OPCML: variants seen among roughly 807,000 people sequenced by gnomAD.
OPCML encodes the protein opioid binding protein/cell adhesion molecule like, also known as opioid-binding protein/cell adhesion molecule.
Under a neutral mutation model 37.8 loss-of-function variants are expected in OPCML, and 13 were observed. That is an observed-to-expected ratio of 0.34 (90% CI 0.22 to 0.55). OPCML has a LOEUF of 0.55. Ranked by LOEUF, OPCML falls within the 20% of genes least tolerant of loss-of-function variation. The probability of loss-of-function intolerance (pLI) is 0.91; values close to 1 mark genes in which losing one functional copy is unlikely to be tolerated. For missense variants in OPCML, 341 were observed against 435.6 expected, an observed-to-expected ratio of 0.78 and a Z score of 1.93; for synonymous variants, 176 against 168.8, an observed-to-expected ratio of 1.04 and a Z score of -0.33.
At chr11:132,958,047 A>T (rs1946007625) in intron 1 of OPCML, among the ~76,000 whole-genome samples, 1 of 152,248 alleles carries the variant, frequency 6.6e-6, no homozygotes. Flanking sequence ...ACAGGTTGAA[A>T]GCCAAGATAG....
chr11:132,778,013 C>A (rs1946865459), intron 2 of OPCML, among the ~76,000 whole-genome samples: 1 of 152,132 alleles, frequency 6.6e-6, no homozygotes, highest in Non-Finnish European at 1.5e-5. Flanking sequence ...GCCAACCATC[C>A]CCTTTGTTTC....
chr11:133,075,519 GC>G (rs991932281), intron 1 of OPCML, among the ~76,000 whole-genome samples: 6 of 152,176 alleles, frequency 3.9e-5, no homozygotes, highest in African/African-American at 1.4e-4. Flanking sequence ...CTGATGCTTT[GC>G]TGCAGGGGCT....
intron 1 of OPCML, among the ~76,000 whole-genome samples, chr11:133,156,039 C>T (rs1010957914): frequency 3.9e-5 from 6 of 152,210 alleles, no homozygotes; most frequent in Admixed American, 1.3e-4. Context: ...ATTCATTTCT[C>T]ACCAGTCCAT....
intron 1 of OPCML, among the ~76,000 whole-genome samples, chr11:133,070,554 C>T (rs1285431150): frequency 6.6e-6 from 1 of 152,136 alleles, no homozygotes; most frequent in Non-Finnish European, 1.5e-5. Flanking sequence ...AGCCCTCACT[C>T]CCTACTTTCA....
At chr11:132,422,282 C>T (rs1394504921) in intron 7 of OPCML, among the ~76,000 whole-genome samples, 1 of 152,080 alleles carries the variant, frequency 6.6e-6, no homozygotes, top group Admixed American at 6.5e-5. Context: ...ACCATGCCAT[C>T]GGCCCAAGGT....
rs1327664049 is a variant in OPCML, at chr11:133,440,782, C to CTA, written c.61+91481_61+91482insTA. 4.0e-4 allele frequency among the ~76,000 whole-genome samples: 52 copies of CTA among 129,572 alleles called. 1 individual carries two copies. Among genetic ancestry groups the CTA allele is most frequent in the African/African-American group, 1.6e-3 (49 of 31,544 alleles). The allele number at this position is 129,572 out of a possible 152,430, so 85.0% of individuals were successfully genotyped here. Reference sequence around the variant, plus strand: ...AGCAATTATATATATATATATATATCTGTGTGTGTGTGTGTGTGTGAGTGT... The same window carrying CTA: ...AGCAATTATATATATATATATATATCTATGTGTGTGTGTGTGTGTGTGAGTGT... On this transcript the variant is annotated intron_variant, in intron 1 of 7. Transcript: ENST00000524381.
At position 132,641,254 on chromosome 11, in the gene OPCML, C is replaced by T. The variant is rs185962373; in HGVS notation, c.379+15833G>A. ...CCTGAACATATATGTTCCTTAAGGA[C>T]GTCAATGCTGGTTAGAATCTGTTCC... On this transcript the variant is annotated intron_variant, in intron 3 of 7. Coordinates refer to ENST00000524381, the MANE Select transcript of OPCML (RefSeq NM_001012393.5). Among the ~76,000 whole-genome samples, 62 of 152,268 alleles carry T rather than the reference C, an allele frequency of 4.1e-4. 1 individual carries two copies. The highest frequency in any genetic ancestry group is 1.4e-3 in the African/African-American group (59 of 41,560).
intron 1 of OPCML, among the ~76,000 whole-genome samples, chr11:133,169,369 T>A (rs1950257909): frequency 6.6e-6 from 1 of 152,120 alleles, no homozygotes; most frequent in African/African-American, 2.4e-5. Context: ...AGTTAAAAAA[T>A]TAAACAAAAA....
intron 2 of OPCML, among the ~76,000 whole-genome samples, chr11:132,884,754 A>G (rs2136440033): frequency 6.6e-6 from 1 of 152,348 alleles, no homozygotes; most frequent in Non-Finnish European, 1.5e-5. Flanking sequence ...AATAATAATA[A>G]CAGTAAGTTA....
At chr11:133,500,003 C>A (rs1020695960) in intron 1 of OPCML, among the ~76,000 whole-genome samples, 1 of 151,138 alleles carries the variant, frequency 6.6e-6, no homozygotes, top group Non-Finnish European at 1.5e-5. Context: ...TCCCAAGTAG[C>A]TGGGATTACA....
chr11:132,927,826 G>T (rs545973058), intron 2 of OPCML, among the ~76,000 whole-genome samples: 6 of 152,066 alleles, frequency 3.9e-5, no homozygotes, highest in Admixed American at 3.9e-4. Flanking sequence ...ACATATAGGG[G>T]GATCCAAGCT....
intron 2 of OPCML, among the ~76,000 whole-genome samples, chr11:132,914,345 T>C (rs1447734149): frequency 6.6e-6 from 1 of 152,160 alleles, no homozygotes; most frequent in African/African-American, 2.4e-5. Context: ...TGCAACTGAG[T>C]TTGCACATCT....
At chr11:133,411,879 T>A (rs1945659497) in intron 1 of OPCML, among the ~76,000 whole-genome samples, 1 of 152,128 alleles carries the variant, frequency 6.6e-6, no homozygotes. Flanking sequence ...TGGATTTGCA[T>A]GTAAGATAAA....
intron 1 of OPCML, among the ~76,000 whole-genome samples, chr11:133,341,380 C>T (rs2136671130): frequency 6.6e-6 from 1 of 152,272 alleles, no homozygotes; most frequent in South Asian, 2.1e-4. Context: ...TATTCCTGGA[C>T]ATTTCTAAGT....
At chr11:133,225,182 G>T (rs536098794) in intron 1 of OPCML, among the ~76,000 whole-genome samples, 13 of 152,190 alleles carry the variant, frequency 8.5e-5, no homozygotes, top group Non-Finnish European at 1.6e-4. Flanking sequence ...CAGGCACTTT[G>T]CTACTTATGG....
intron 1 of OPCML, among the ~76,000 whole-genome samples, chr11:133,437,996 C>T (rs1484487062): frequency 6.6e-6 from 1 of 151,342 alleles, no homozygotes; most frequent in Admixed American, 6.6e-5. Flanking sequence ...AAGGAAAATC[C>T]CATAAAATAA....
intron 1 of OPCML, among the ~76,000 whole-genome samples, chr11:133,518,101 C>A (rs1948320996): frequency 6.6e-6 from 1 of 151,984 alleles, no homozygotes; most frequent in Admixed American, 6.6e-5. Flanking sequence ...GTGTGGTGTG[C>A]ATATGTATGT....
chr11:133,417,753 C>T (rs748450062), intron 1 of OPCML, among the ~76,000 whole-genome samples: 3 of 151,496 alleles, frequency 2.0e-5, no homozygotes, highest in East Asian at 1.9e-4. Flanking sequence ...CTAGGAAATT[C>T]GGGAGGAGAC....
chr11:133,374,396 C>T (rs1189137498), intron 1 of OPCML, among the ~76,000 whole-genome samples: 5 of 152,162 alleles, frequency 3.3e-5, no homozygotes, highest in Non-Finnish European at 5.9e-5. Context: ...TAATGGATAT[C>T]TTCACTATAT....
Sources: gnomAD v4.1 joint callset for allele counts (sites outside exome capture counted in the v4.1 genomes callset) on GRCh38, gnomAD v4.1.1 for gene constraint, MANE v1.5 for transcripts, NCBI Gene and HGNC (gene_info 2026-07-23, HGNC 2026-07-21) for gene names.